The following MGMT variants were observed in gnomAD, a reference collection of about 807,000 sequenced individuals.
MGMT encodes O-6-methylguanine-DNA methyltransferase, also known as methylated-DNA--protein-cysteine methyltransferase.
Under a neutral mutation model 15.9 loss-of-function variants are expected in MGMT, and 14 were observed. That is an observed-to-expected ratio of 0.88 (90% CI 0.58 to 1.37). The LOEUF is 1.37. MGMT is among the 40% of genes most tolerant of loss of function. The pLI, the probability that MGMT is intolerant of heterozygous loss-of-function variation, is 0.00. For synonymous variants in MGMT, 130 were observed against 118.2 expected (o/e 1.10, Z -0.65); for missense variants, 282 against 268.1 (o/e 1.05, Z -0.36).
At chr10:129,623,682 C>T (rs1847114989) in intron 2 of MGMT, among the ~76,000 whole-genome samples, 1 of 152,122 alleles carries the variant, frequency 6.6e-6, no homozygotes, top group Non-Finnish European at 1.5e-5. Flanking sequence ...ACGTGCACCA[C>T]CACGCCTGGC....
At chr10:129,583,674 A>C (rs1221121315) in intron 2 of MGMT, among the ~76,000 whole-genome samples, 1 of 152,232 alleles carries the variant, frequency 6.6e-6, no homozygotes, top group Non-Finnish European at 1.5e-5. Context: ...TGTGGCACAC[A>C]TAGCAGGACC....
At chr10:129,658,300 G>A (rs1403008983) in intron 2 of MGMT, among the ~76,000 whole-genome samples, 1 of 152,130 alleles carries the variant, frequency 6.6e-6, no homozygotes, top group African/African-American at 2.4e-5. Flanking sequence ...ATGACGAACA[G>A]CGTCGCCTTG....
chr10:129,619,800 G>A (rs1236416395), intron 2 of MGMT, among the ~76,000 whole-genome samples: 1 of 152,166 alleles, frequency 6.6e-6, no homozygotes, highest in African/African-American at 2.4e-5. Flanking sequence ...TCTAGGGCAC[G>A]CCATGATGAT....
chr10:129,607,071 A>C (rs530979249), intron 2 of MGMT, among the ~76,000 whole-genome samples: 6 of 152,230 alleles, frequency 3.9e-5, no homozygotes, highest in Admixed American at 3.9e-4. Flanking sequence ...CTGAGTTGGC[A>C]CCCTCCGGTT....
chr10:129,549,758 T>C (rs1846135514), intron 2 of MGMT, among the ~76,000 whole-genome samples: 1 of 152,216 alleles, frequency 6.6e-6, no homozygotes, highest in South Asian at 2.1e-4. Flanking sequence ...CGGCCGCTGC[T>C]GGAAGCTCAG....
At chr10:129,716,982 T>C (rs547328203) in intron 3 of MGMT, among the ~76,000 whole-genome samples, 2 of 152,356 alleles carry the variant, frequency 1.3e-5, no homozygotes, top group South Asian at 2.1e-4. Flanking sequence ...GCATAACTCA[T>C]TGGCAGCGTC....
At chr10:129,668,493 T>C (rs903198281) in intron 2 of MGMT, among the ~76,000 whole-genome samples, 1 of 152,144 alleles carries the variant, frequency 6.6e-6, no homozygotes, top group Non-Finnish European at 1.5e-5. Flanking sequence ...AAATGGATAT[T>C]TATTCATGTT....
chr10:129,655,036 G>GA (rs1222152885), intron 2 of MGMT, among the ~76,000 whole-genome samples: 1 of 152,234 alleles, frequency 6.6e-6, no homozygotes, highest in African/African-American at 2.4e-5. Context: ...GCTCGATGGA[G>GA]AGGGTGACCG....
At chr10:129,693,221 T>C (rs1326233686) in intron 2 of MGMT, among the ~76,000 whole-genome samples, 1 of 152,222 alleles carries the variant, frequency 6.6e-6, no homozygotes, top group Non-Finnish European at 1.5e-5. Flanking sequence ...GTCAGTGGGG[T>C]CTGGGAGACT....
At chr10:129,548,974 G>A (rs534881317) in intron 2 of MGMT, among the ~76,000 whole-genome samples, 18 of 152,322 alleles carry the variant, frequency 1.2e-4, no homozygotes, top group African/African-American at 4.3e-4. Context: ...TTACCCTGTG[G>A]TGGCATTTTC....
chr10:129,635,414 C>T (rs1847254220), intron 2 of MGMT, among the ~76,000 whole-genome samples: 1 of 152,252 alleles, frequency 6.6e-6, no homozygotes, highest in East Asian at 1.9e-4. Flanking sequence ...GTGCCCGGAA[C>T]TCTCAGGGCA....
At chr10:129,506,547 G>C (rs1323839380) in intron 1 of MGMT, among the ~76,000 whole-genome samples, 1 of 152,032 alleles carries the variant, frequency 6.6e-6, no homozygotes, top group Non-Finnish European at 1.5e-5. Context: ...GGCATCCAGG[G>C]GGCATTTATG....
At chr10:129,650,828 CT>C (rs1360062414) in intron 2 of MGMT, among the ~76,000 whole-genome samples, 2 of 152,190 alleles carry the variant, frequency 1.3e-5, no homozygotes, top group Non-Finnish European at 2.9e-5. Flanking sequence ...ATTTGTCACC[CT>C]TTCTCGATGT....
intron 2 of MGMT, among the ~76,000 whole-genome samples, chr10:129,565,804 G>T: frequency 6.6e-6 from 1 of 152,142 alleles, no homozygotes; most frequent in East Asian, 1.9e-4. Context: ...ATGATCGAGG[G>T]TTATTTGAAG....
At chr10:129,471,514 G>A (rs1845230849) in intron 1 of MGMT, among the ~76,000 whole-genome samples, 1 of 152,124 alleles carries the variant, frequency 6.6e-6, no homozygotes, top group African/African-American at 2.4e-5. Flanking sequence ...TGGGGTAAGA[G>A]CCACTACTGG....
At chr10:129,488,983 G>A (rs1304243106) in intron 1 of MGMT, among the ~76,000 whole-genome samples, 2 of 152,140 alleles carry the variant, frequency 1.3e-5, no homozygotes, top group Non-Finnish European at 2.9e-5. Context: ...CCTTTTTCTA[G>A]GCTCTCCTGT....
At chr10:129,688,355 G>A (rs1847933243) in intron 2 of MGMT, among the ~76,000 whole-genome samples, 1 of 152,200 alleles carries the variant, frequency 6.6e-6, no homozygotes, top group Non-Finnish European at 1.5e-5. Context: ...AGCACCTGTT[G>A]TTTCCTGGCT....
intron 2 of MGMT, among the ~76,000 whole-genome samples, chr10:129,666,738 T>C (rs1352893342): frequency 6.6e-6 from 1 of 152,230 alleles, no homozygotes; most frequent in Non-Finnish European, 1.5e-5. Flanking sequence ...TTTCTTTGTC[T>C]TGTCATGCAT....
At chr10:129,599,487 A>G (rs949399285) in intron 2 of MGMT, among the ~76,000 whole-genome samples, 2 of 152,178 alleles carry the variant, frequency 1.3e-5, no homozygotes, top group African/African-American at 2.4e-5. Flanking sequence ...TGTCTTGCGC[A>G]TTTATCATCC....
Sources: allele counts gnomAD v4.1 joint callset (sites outside exome capture counted in the v4.1 genomes callset), GRCh38; gene constraint gnomAD v4.1.1; transcripts MANE v1.5; gene names NCBI Gene and HGNC (gene_info 2026-07-23, HGNC 2026-07-21).